Variants in FHIT observed in about 807,000 individuals in gnomAD.
The protein encoded by FHIT is fragile histidine triad diadenosine triphosphatase, also known as bis(5'-adenosyl)-triphosphatase.
In FHIT, 19 loss-of-function variants were observed where a neutral mutation model predicts 17.9. The observed-to-expected ratio is 1.06, with a 90% CI of 0.74 to 1.56. The LOEUF (loss-of-function observed/expected upper bound fraction) is 1.56, where lower values mean the gene tolerates loss of function less well. Among genes scored for constraint, FHIT ranks in the 40% most tolerant of loss-of-function variants. The probability of loss-of-function intolerance (pLI) is 0.00; values close to 1 mark genes in which losing one functional copy is unlikely to be tolerated. For missense variants in FHIT, 248 were observed against 189.2 expected, an observed-to-expected ratio of 1.31 and a Z score of -1.82; for synonymous variants, 81 against 69.7, an observed-to-expected ratio of 1.16 and a Z score of -0.81.
At chr3:60,763,038 A>G (rs530777941) in intron 4 of FHIT, among the ~76,000 whole-genome samples, 1 of 152,230 alleles carries the variant, frequency 6.6e-6, no homozygotes, top group East Asian at 1.9e-4. Flanking sequence ...ACTGAATGCA[A>G]TTCTCTCTGA....
intron 5 of FHIT, among the ~76,000 whole-genome samples, chr3:60,500,678 C>A (rs533062683): frequency 1.4e-5 from 2 of 145,498 alleles, no homozygotes; most frequent in Non-Finnish European, 3.0e-5. Context: ...GAGGCTGAGG[C>A]AGGAGAATTG....
chr3:61,193,012 C>T (rs936019925), intron 2 of FHIT, among the ~76,000 whole-genome samples: 1 of 152,172 alleles, frequency 6.6e-6, no homozygotes, highest in African/African-American at 2.4e-5. Flanking sequence ...CCTTTGTCTC[C>T]CAGACATATT....
chr3:61,061,245 G>T (rs918248135), intron 2 of FHIT, among the ~76,000 whole-genome samples: 1 of 152,144 alleles, frequency 6.6e-6, no homozygotes, highest in African/African-American at 2.4e-5. Flanking sequence ...CTCCCAATCT[G>T]CTAGTTTCAG....
At chr3:61,189,107 A>C (rs2038625034) in intron 2 of FHIT, among the ~76,000 whole-genome samples, 1 of 152,214 alleles carries the variant, frequency 6.6e-6, no homozygotes. Context: ...AGAAGGAAAT[A>C]AAGGGTATTG....
intron 4 of FHIT, among the ~76,000 whole-genome samples, chr3:60,569,160 T>C (rs539944841): frequency 6.6e-5 from 10 of 152,232 alleles, no homozygotes; most frequent in South Asian, 4.2e-4. Flanking sequence ...AGGTTTGACA[T>C]AGACCAAGGT....
intron 3 of FHIT, among the ~76,000 whole-genome samples, chr3:60,983,984 A>G (rs910931508): frequency 5.3e-5 from 8 of 152,242 alleles, no homozygotes; most frequent in African/African-American, 1.7e-4. Flanking sequence ...AAAGCTAATG[A>G]AAATGATGAA....
Position 59,912,913 on chromosome 3 carries a change from G to A in FHIT, c.348+9433C>T, listed in dbSNP as rs748664154. On this transcript the variant is annotated intron_variant, in intron 8 of 9. Coordinates refer to ENST00000492590, the MANE Select transcript of FHIT (RefSeq NM_002012.4). ...TGTGTTATGACATGAATACACTATA[G>A]GGCAAGCAAAAGTATTTAAGTGGTT... is the stretch of plus-strand genomic sequence containing the variant. Among the ~76,000 whole-genome samples the A allele has an allele frequency of 2.6e-5, 4 of 152,152 alleles. No individual in the cohort carries two copies. The South Asian group carries it at 8.3e-4, about 32-fold the overall frequency.
chr3:60,175,794 A>G (rs1480940170), intron 5 of FHIT, among the ~76,000 whole-genome samples: 2 of 152,156 alleles, frequency 1.3e-5, no homozygotes, highest in Non-Finnish European at 2.9e-5. Flanking sequence ...ACTCAATGCT[A>G]TTAACAGCAT....
intron 4 of FHIT, among the ~76,000 whole-genome samples, chr3:60,595,647 T>G (rs1553666113): frequency 6.6e-6 from 1 of 150,674 alleles, no homozygotes; most frequent in Non-Finnish European, 1.5e-5. Flanking sequence ...GTGTGTATAG[T>G]GTGTGTATGT....
At chr3:60,703,726 T>C (rs955458096) in intron 4 of FHIT, among the ~76,000 whole-genome samples, 3 of 152,200 alleles carry the variant, frequency 2.0e-5, no homozygotes, top group Non-Finnish European at 4.4e-5. Flanking sequence ...AGGGAATATC[T>C]GTTTTTTAAA....
intron 5 of FHIT, among the ~76,000 whole-genome samples, chr3:60,125,676 G>T (rs1304984191): frequency 8.1e-6 from 1 of 123,502 alleles, no homozygotes; most frequent in African/African-American, 2.9e-5. Flanking sequence ...ATATATATGT[G>T]TGTGCGTGTG....
In FHIT at chr3:60,589,707, A is replaced by G. The variant is rs1438734943; in HGVS notation, c.-17-52728T>C. Among the ~76,000 whole-genome samples, 4 of 152,192 alleles carry G rather than the reference A, an allele frequency of 2.6e-5. No individual in the cohort carries two copies. In the South Asian group the frequency reaches 6.2e-4, roughly 24 times the overall value. ...TTTTCCCTCCCAGGAAGTTGTAGCA[A>G]TTTAAACTTCTATTAATAGTATATG... On this transcript the variant is annotated intron_variant, in intron 4 of 9. Transcript: ENST00000492590.
At chr3:60,658,712 T>G (rs1553690278) in intron 4 of FHIT, among the ~76,000 whole-genome samples, 1 of 152,094 alleles carries the variant, frequency 6.6e-6, no homozygotes, top group Admixed American at 6.6e-5. Flanking sequence ...AAACCAAAGT[T>G]ACAATAATAC....
At chr3:61,203,831 T>C (rs2039113823) in intron 1 of FHIT, among the ~76,000 whole-genome samples, 1 of 152,220 alleles carries the variant, frequency 6.6e-6, no homozygotes, top group South Asian at 2.1e-4. Flanking sequence ...ATAACCAGCA[T>C]TTCTTTCTCT....
intron 5 of FHIT, among the ~76,000 whole-genome samples, chr3:60,104,890 C>A (rs1368215693): frequency 1.3e-5 from 2 of 152,100 alleles, no homozygotes; most frequent in Admixed American, 1.3e-4. Flanking sequence ...GTGTTTCTTT[C>A]AAATTCCACC....
intron 7 of FHIT, among the ~76,000 whole-genome samples, chr3:59,963,705 G>A (rs552405996): frequency 6.6e-6 from 1 of 152,300 alleles, no homozygotes; most frequent in South Asian, 2.1e-4. Context: ...GTGACTGAGT[G>A]GTGGAATCCC....
chr3:59,925,606 T>C (rs1415854520), intron 7 of FHIT, among the ~76,000 whole-genome samples: 1 of 152,158 alleles, frequency 6.6e-6, no homozygotes. Flanking sequence ...TTCAGGGCTA[T>C]CTCTATAGGC....
Position 60,299,231 on chromosome 3 carries a change from C to T in FHIT, c.103+237629G>A, listed in dbSNP as rs548643155. On this transcript the variant is annotated intron_variant, in intron 5 of 9. Coordinates refer to ENST00000492590, the MANE Select transcript of FHIT (RefSeq NM_002012.4). ...GGTTGACATGCGGTAGATTCCATTG[C>T]TGATTTTCAAATAAACCCTACTTGA... is the stretch of plus-strand genomic sequence containing the variant. 5.3e-5 allele frequency among the ~76,000 whole-genome samples: 8 copies of T among 152,154 alleles called. No homozygotes were observed. The South Asian group carries it at 1.7e-3, about 32-fold the overall frequency.
rs796192324 is a variant in FHIT at position 60,044,580 on chromosome 3, A to T, written c.104-30428T>A. Reference sequence around the variant, plus strand: ...AGGAAGAGGAGGAGAAAGAACAACAATGATATCATGGTAAAGGCCTGTAGA... The same window carrying T: ...AGGAAGAGGAGGAGAAAGAACAACATTGATATCATGGTAAAGGCCTGTAGA... On this transcript the variant is annotated intron_variant, in intron 5 of 9. Transcript: ENST00000492590. Among the ~76,000 whole-genome samples, 1,315 of 152,260 alleles carry T rather than the reference A, an allele frequency of 8.6e-3. 31 individuals carry two copies. The highest frequency in any genetic ancestry group is 0.072 in the South Asian group (346 of 4,820).
Sources: gnomAD v4.1 joint callset for allele counts (sites outside exome capture counted in the v4.1 genomes callset) on GRCh38, gnomAD v4.1.1 for gene constraint, MANE v1.5 for transcripts, NCBI Gene and HGNC (gene_info 2026-07-23, HGNC 2026-07-21) for gene names.